Variants in STOX1 observed in about 807,000 individuals in gnomAD.
The protein encoded by STOX1 is storkhead-box protein 1.
A neutral mutation model predicts 74.8 loss-of-function variants in STOX1; 57 were observed. The ratio of observed to expected loss-of-function variants is 0.76; its 90% CI spans 0.62 to 0.95. The LOEUF (loss-of-function observed/expected upper bound fraction) is 0.95, where lower values mean the gene tolerates loss of function less well. Among genes scored for constraint, STOX1 ranks in the 40% least tolerant of loss-of-function variants. The pLI is 0.00. For missense variants in STOX1, 1,010 were observed against 1,117.0 expected (o/e 0.90, Z 1.37); for synonymous variants, 375 against 401.3 (o/e 0.93, Z 0.78).
At position 68,892,799 on chromosome 10, in the gene STOX1, A is replaced by C; in HGVS notation, c.*63A>C. 2 of 1,532,710 alleles carry C rather than the reference A, an allele frequency of 1.3e-6. No homozygotes were observed. The highest frequency in any genetic ancestry group is 2.3e-5 in the South Asian group (2 of 87,610). 94.9% of individuals were successfully genotyped at this position (1,532,710 alleles called of 1,614,324 possible). ...GTAGAGCATTATTACAGAATCTTTCAATCATGTAAGAATTGAGTATATAAG... is the reference window on the plus strand; with the variant it reads ...GTAGAGCATTATTACAGAATCTTTCCATCATGTAAGAATTGAGTATATAAG... On this transcript the variant is annotated 3_prime_UTR_variant, in exon 4 of 4. Coordinates refer to ENST00000298596, the MANE Select transcript of STOX1 (RefSeq NM_152709.5).
rs1441475686 is a variant in STOX1 at position 68,890,008 on chromosome 10, C to T, written c.2823-2581C>T. Among the ~76,000 whole-genome samples the T allele has an allele frequency of 2.0e-5, 3 of 151,146 alleles. No individual in the cohort carries two copies. The East Asian group carries it at 5.8e-4, about 29-fold the overall frequency. ...TTCACCATGTTGGCCAGGCTGGTCT[C>T]GAACTCCTGGCCTCAAGTGATCTGC... On this transcript the variant is annotated intron_variant, in intron 3 of 3. Coordinates refer to ENST00000298596, the MANE Select transcript of STOX1 (RefSeq NM_152709.5).
intron 1 of STOX1, among the ~76,000 whole-genome samples, chr10:68,876,764 C>T (rs1840690473): frequency 1.3e-5 from 2 of 152,194 alleles, no homozygotes; most frequent in Non-Finnish European, 2.9e-5. Flanking sequence ...CACAGCTGGC[C>T]TCGACTGAAG....
chr10:68,842,926 C>G (rs1235303801), intron 1 of STOX1, among the ~76,000 whole-genome samples: 1 of 152,084 alleles, frequency 6.6e-6, no homozygotes, highest in Non-Finnish European at 1.5e-5. Flanking sequence ...TTTGACTCCC[C>G]GAGTCTAAAG....
chr10:68,845,436 G>A (rs1489522192), intron 1 of STOX1, among the ~76,000 whole-genome samples: 5 of 151,488 alleles, frequency 3.3e-5, no homozygotes, highest in Non-Finnish European at 7.4e-5. Context: ...ACCATGCCCG[G>A]CTAATTTTTT....
intron 1 of STOX1, among the ~76,000 whole-genome samples, chr10:68,845,571 G>A (rs577470284): frequency 6.6e-6 from 1 of 151,384 alleles, no homozygotes; most frequent in South Asian, 2.1e-4. Context: ...ACCGCGCCCG[G>A]CAACACCTGG....
At chr10:68,835,250 C>T (rs934371497) in intron 1 of STOX1, among the ~76,000 whole-genome samples, 1 of 151,714 alleles carries the variant, frequency 6.6e-6, no homozygotes, top group Admixed American at 6.6e-5. Flanking sequence ...CCATGTTGGC[C>T]AGGCTGGTCT....
At chr10:68,894,912 C>T (rs1740827601), downstream of STOX1, among the ~76,000 whole-genome samples, 1 of 152,030 alleles carries the variant, frequency 6.6e-6, no homozygotes, top group African/African-American at 2.4e-5. Flanking sequence ...TTTGTAGAGA[C>T]AGGATCTCAC....
chr10:68,828,343 G>A (rs1839319072), intron 1 of STOX1: 1 of 1,051,270 alleles, frequency 9.5e-7, no homozygotes. Context: ...GCAGGGGCGA[G>A]CGCGGCCCCG....
intron 1 of STOX1, among the ~76,000 whole-genome samples, chr10:68,838,223 C>T (rs1157676682): frequency 6.6e-6 from 1 of 151,970 alleles, no homozygotes; most frequent in Non-Finnish European, 1.5e-5. Flanking sequence ...GGTGCTACCA[C>T]ACCCAGCTAA....
At chr10:68,835,432 C>T (rs776926444) in intron 1 of STOX1, among the ~76,000 whole-genome samples, 1 of 152,154 alleles carries the variant, frequency 6.6e-6, no homozygotes, top group Non-Finnish European at 1.5e-5. Flanking sequence ...AAGTGATCCT[C>T]CCTTGTCAGT....
intron 1 of STOX1, among the ~76,000 whole-genome samples, chr10:68,843,893 A>T (rs1160062269): frequency 6.7e-6 from 1 of 150,084 alleles, no homozygotes; most frequent in Non-Finnish European, 1.5e-5. Flanking sequence ...TAATAGTTGG[A>T]TAGTGGGCCG....
intron 1 of STOX1, among the ~76,000 whole-genome samples, chr10:68,880,164 C>CTTTTTTTTTTTTT (rs71028800): frequency 1.1e-3 from 135 of 124,420 alleles, no homozygotes; most frequent in African/African-American, 1.8e-3. Flanking sequence ...TCTTTCTTTC[C>CTTTTTTTTTTTTT]TTTTTTTTTT....
chr10:68,844,207 G>A (rs1839772439), intron 1 of STOX1, among the ~76,000 whole-genome samples: 1 of 150,222 alleles, frequency 6.7e-6, no homozygotes, highest in African/African-American at 2.4e-5. Flanking sequence ...GATAGTGGTA[G>A]TTCATTGTGA....
rs139009190 is a variant in STOX1, at chr10:68,840,155, C to T, written c.310+12222C>T. On this transcript the variant is annotated intron_variant, in intron 1 of 3. Transcript: ENST00000298596. ...ACATGCAAAGGAATGAAATTCTACC[C>T]CTTTCTTATACCATCCACAACAGCC... Among the ~76,000 whole-genome samples the T allele has an allele frequency of 3.2e-3, 480 of 152,174 alleles. 4 individuals carry two copies. The highest frequency in any genetic ancestry group is 0.011 in the African/African-American group (458 of 41,472).
At chr10:68,889,575 G>A (rs1841050656) in intron 3 of STOX1, among the ~76,000 whole-genome samples, 1 of 152,020 alleles carries the variant, frequency 6.6e-6, no homozygotes, top group Non-Finnish European at 1.5e-5. Context: ...TTGCTTATTT[G>A]TTTTTTGAGA....
rs774442226 is a variant in STOX1, at chr10:68,885,343, C to T, written c.1547C>T (p.Thr516Met). 6.6e-5 allele frequency: 106 copies of T among 1,614,076 alleles called. No homozygotes were observed. Among genetic ancestry groups the T allele is most frequent in the Middle Eastern group, 1.6e-4 (1 of 6,084 alleles). ...TISKGHKIQK[T>M]SDLKPSQTGP... ...TCCAAAGGGCACAAAATTCAGAAGACGAGTGATCTGAAACCCAGCCAGACT... is the reference window on the plus strand; with the variant it reads ...TCCAAAGGGCACAAAATTCAGAAGATGAGTGATCTGAAACCCAGCCAGACT... The change falls in exon 3 of 4, where the codon ACG becomes ATG. Residue 516 changes from threonine to methionine, a missense_variant. Transcript: ENST00000298596.
intron 1 of STOX1, among the ~76,000 whole-genome samples, chr10:68,856,752 T>C (rs1840135567): frequency 6.6e-6 from 1 of 152,072 alleles, no homozygotes; most frequent in Non-Finnish European, 1.5e-5. Flanking sequence ...CCTCTCCCTC[T>C]CACTGCAAGG....
chr10:68,836,655 C>A (rs1202703825), intron 1 of STOX1, among the ~76,000 whole-genome samples: 1 of 152,094 alleles, frequency 6.6e-6, no homozygotes, highest in Non-Finnish European at 1.5e-5. Context: ...TGCAACCAAC[C>A]CTGCTGCTAA....
intron 1 of STOX1, among the ~76,000 whole-genome samples, chr10:68,869,129 G>A (rs191314933): frequency 1.8e-4 from 27 of 152,270 alleles, no homozygotes; most frequent in African/African-American, 5.1e-4. Flanking sequence ...ACAGACTTCC[G>A]GGAATAGCAT....
Sources: allele counts gnomAD v4.1 joint callset (sites outside exome capture counted in the v4.1 genomes callset), GRCh38; gene constraint gnomAD v4.1.1; transcripts MANE v1.5; gene names NCBI Gene and HGNC (gene_info 2026-07-23, HGNC 2026-07-21).